IL1RAPL2: variants seen among roughly 807,000 people sequenced by gnomAD.
IL1RAPL2 encodes X-linked interleukin-1 receptor accessory protein-like 2.
Under a neutral mutation model 44.1 loss-of-function variants are expected in IL1RAPL2, and 3 were observed. The observed-to-expected ratio is 0.07, with a 90% CI of 0.03 to 0.18. The LOEUF is 0.18. Among genes scored for constraint, IL1RAPL2 ranks in the 10% least tolerant of loss-of-function variants. The pLI, the probability that IL1RAPL2 is intolerant of heterozygous loss-of-function variation, is 1.00. For missense variants in IL1RAPL2, 391 were observed against 496.4 expected, an observed-to-expected ratio of 0.79 and a Z score of 2.02; for synonymous variants, 181 against 178.8, an observed-to-expected ratio of 1.01 and a Z score of -0.10.
chrX:105,327,189 G>C (rs2034945844), intron 5 of IL1RAPL2, among the ~76,000 whole-genome samples: 1 of 111,983 alleles, frequency 8.9e-6, no homozygotes, highest in Admixed American at 9.5e-5. Flanking sequence ...ATTGGCTGGG[G>C]GAAGCCTGTG....
Position 104,891,699 on chromosome X carries a change from AATG to A in IL1RAPL2, c.82+232708_82+232710del, listed in dbSNP as rs769695095. On this transcript the variant is annotated intron_variant, in intron 2 of 10. Coordinates refer to ENST00000372582, the MANE Select transcript of IL1RAPL2 (RefSeq NM_017416.2). The stretch of plus-strand genomic sequence containing the variant: ...TCAGCTTATGGAGATTTTGGGCTGA[AATG>A]ATGGAGTTTTCTAAATATACAATCA... Among the ~76,000 whole-genome samples the A allele has an allele frequency of 8.1e-5, 9 of 111,726 alleles. No individual in the cohort carries two copies. In the East Asian group the frequency reaches 2.3e-3, roughly 28 times the overall value.
At chrX:105,369,651 T>C (rs773189680) in intron 5 of IL1RAPL2, among the ~76,000 whole-genome samples, 1 of 111,744 alleles carries the variant, frequency 8.9e-6, no homozygotes, top group Non-Finnish European at 1.9e-5. Context: ...TGAATGTTTG[T>C]AATTTTAAAA....
intron 6 of IL1RAPL2, among the ~76,000 whole-genome samples, chrX:105,657,663 G>T (rs1164761123): frequency 8.9e-6 from 1 of 112,095 alleles, no homozygotes. Context: ...TGCCCAGGCT[G>T]GAGTGCAATG....
At chrX:105,643,250 G>T (rs1333040804) in intron 6 of IL1RAPL2, among the ~76,000 whole-genome samples, 2 of 111,708 alleles carry the variant, frequency 1.8e-5, no homozygotes, top group Non-Finnish European at 3.8e-5. Flanking sequence ...TGTATACAGA[G>T]AGCTGAGGTA....
intron 2 of IL1RAPL2, among the ~76,000 whole-genome samples, chrX:104,843,653 C>T (rs1391130562): frequency 1.8e-5 from 2 of 109,438 alleles, no homozygotes; most frequent in Non-Finnish European, 3.8e-5. Context: ...AGGGAGGTAC[C>T]CCAGCTCCTT....
intron 5 of IL1RAPL2, among the ~76,000 whole-genome samples, chrX:105,354,498 G>A (rs938355834): frequency 5.3e-5 from 4 of 75,276 alleles, no homozygotes; most frequent in East Asian, 4.8e-4. Context: ...ACCAGTGCCT[G>A]TTGTGGGGTG....
At chrX:104,882,206 G>A (rs971577111) in intron 2 of IL1RAPL2, among the ~76,000 whole-genome samples, 7 of 112,036 alleles carry the variant, frequency 6.2e-5, no homozygotes, top group Non-Finnish European at 1.3e-4. Flanking sequence ...ATAACAAAAA[G>A]TTGGGGCCTG....
intron 5 of IL1RAPL2, among the ~76,000 whole-genome samples, chrX:105,362,446 T>C (rs999146486): frequency 4.5e-5 from 5 of 111,246 alleles, no homozygotes; most frequent in Non-Finnish European, 1.9e-5. Flanking sequence ...ATTTCACTAT[T>C]ATATACTACC....
intron 2 of IL1RAPL2, among the ~76,000 whole-genome samples, chrX:104,905,524 C>T (rs764073597): frequency 2.7e-5 from 3 of 111,991 alleles, no homozygotes; most frequent in South Asian, 3.7e-4. Context: ...CTACATATGG[C>T]TAGCCAATTT....
intron 5 of IL1RAPL2, among the ~76,000 whole-genome samples, chrX:105,386,798 A>C (rs149864861): frequency 9.0e-6 from 1 of 111,693 alleles, no homozygotes; most frequent in Admixed American, 9.5e-5. Flanking sequence ...AATCCTGCCT[A>C]TGTGTTCATA....
rs1444895910 is a variant in IL1RAPL2 at position 105,306,791 on chromosome X, G to A, written c.697+39250G>A. ...TCACACCTGTAATCCTAGTGCTTTA[G>A]GAGGCTGAAGTGGGAGGATCATTTG... On this transcript the variant is annotated intron_variant, in intron 5 of 10. Coordinates refer to ENST00000372582, the MANE Select transcript of IL1RAPL2 (RefSeq NM_017416.2). Among the ~76,000 whole-genome samples, 4 of 111,450 alleles carry A rather than the reference G, an allele frequency of 3.6e-5. No individual in the cohort carries two copies. In the South Asian group the frequency reaches 1.1e-3, roughly 32 times the overall value.
chrX:105,461,355 C>G (rs1321132596), intron 5 of IL1RAPL2, among the ~76,000 whole-genome samples: 5 of 111,414 alleles, frequency 4.5e-5, no homozygotes, highest in African/African-American at 1.6e-4. Context: ...CAAGAGGAAG[C>G]TAGTGCTAGT....
intron 2 of IL1RAPL2, among the ~76,000 whole-genome samples, chrX:104,715,417 CAA>C (rs57271887): frequency 2.5e-3 from 182 of 72,362 alleles, no homozygotes; most frequent in African/African-American, 8.9e-3. Context: ...TCTATTTTTT[CAA>C]AAAAAAAAAA....
At chrX:105,263,998 T>C (rs1434881093) in intron 4 of IL1RAPL2, among the ~76,000 whole-genome samples, 1 of 111,391 alleles carries the variant, frequency 9.0e-6, no homozygotes, top group Admixed American at 9.6e-5. Flanking sequence ...CTTTGCCTAG[T>C]ATGTTGCTAT....
At position 105,468,073 on chromosome X, in the gene IL1RAPL2, T is replaced by C. The variant is rs1196270088; in HGVS notation, c.698-16240T>C. On this transcript the variant is annotated intron_variant, in intron 5 of 10. Transcript: ENST00000372582. Reference sequence around the variant, plus strand: ...ACCGAAAGATGTAGAATGGTTGAGATATGACAGAAATTTATTTTTTCTCAT... The same window carrying C: ...ACCGAAAGATGTAGAATGGTTGAGACATGACAGAAATTTATTTTTTCTCAT... 1.8e-5 allele frequency among the ~76,000 whole-genome samples: 2 copies of C among 111,951 alleles called. 1 individual carries two copies. The highest frequency in any genetic ancestry group is 6.5e-5 in the African/African-American group (2 of 30,853).
intron 5 of IL1RAPL2, among the ~76,000 whole-genome samples, chrX:105,456,393 G>C (rs2036055435): frequency 9.0e-6 from 1 of 111,498 alleles, no homozygotes; most frequent in Admixed American, 9.6e-5. Context: ...TCCTTGTCTA[G>C]TGCCGGTTTT....
At chrX:105,542,734 TTATTA>T (rs1184849014) in intron 6 of IL1RAPL2, among the ~76,000 whole-genome samples, 1 of 90,545 alleles carries the variant, frequency 1.1e-5, no homozygotes, top group East Asian at 3.2e-4. Context: ...TTTATTTAAT[TTATTA>T]TTTTTTTTTT....
chrX:105,343,919 C>G (rs753085951), intron 5 of IL1RAPL2, among the ~76,000 whole-genome samples: 45 of 104,361 alleles, frequency 4.3e-4, no homozygotes, highest in Non-Finnish European at 8.7e-4. Context: ...GAGATGGAGT[C>G]TCACTCACTC....
chrX:105,618,014 G>T (rs1165988941), intron 6 of IL1RAPL2, among the ~76,000 whole-genome samples: 1 of 109,852 alleles, frequency 9.1e-6, no homozygotes, highest in Admixed American at 9.9e-5. Context: ...TTCCAAGAAG[G>T]CCTTAACCTG....
Sources: allele counts gnomAD v4.1 joint callset (sites outside exome capture counted in the v4.1 genomes callset), GRCh38; gene constraint gnomAD v4.1.1; transcripts MANE v1.5; gene names NCBI Gene and HGNC (gene_info 2026-07-23, HGNC 2026-07-21).